The following PPARGC1A variants were observed in gnomAD, a reference collection of about 807,000 sequenced individuals.
PPARGC1A encodes PPARG coactivator 1 alpha, also known as peroxisome proliferator-activated receptor gamma coactivator 1-alpha.
Under a neutral mutation model 88.7 loss-of-function variants are expected in PPARGC1A, and 25 were observed. The observed-to-expected ratio is 0.28, with a 90% CI of 0.21 to 0.39. PPARGC1A has a LOEUF of 0.39. PPARGC1A is among the 10% of genes least tolerant of loss of function. PPARGC1A has a pLI of 1.00. For synonymous variants in PPARGC1A, 363 were observed against 355.6 expected, an observed-to-expected ratio of 1.02 and a Z score of -0.24; for missense variants, 880 against 968.7, an observed-to-expected ratio of 0.91 and a Z score of 1.22.
the PPARGC1A span, among the ~76,000 whole-genome samples, chr4:24,411,895 A>G: frequency 6.6e-6 from 1 of 152,214 alleles, no homozygotes; most frequent in Non-Finnish European, 1.5e-5. Context: ...TGGATATATC[A>G]CAGTTTATCC....
the PPARGC1A span, among the ~76,000 whole-genome samples, chr4:24,282,405 G>C: frequency 6.6e-6 from 1 of 152,190 alleles, no homozygotes; most frequent in Non-Finnish European, 1.5e-5. Flanking sequence ...TTAGGGGTTG[G>C]AGTGTGTGGT....
chr4:23,904,825 C>T (rs908629679), upstream of PPARGC1A, among the ~76,000 whole-genome samples: 9 of 152,312 alleles, frequency 5.9e-5, no homozygotes, highest in Non-Finnish European at 1.2e-4. Flanking sequence ...AAGGGCACCC[C>T]ATAACGTGTG....
the PPARGC1A span, among the ~76,000 whole-genome samples, chr4:24,156,290 G>T: frequency 1.3e-5 from 2 of 152,040 alleles, no homozygotes; most frequent in African/African-American, 4.8e-5. Flanking sequence ...TCCACCCCCG[G>T]GTGTTTCTCC....
At chr4:23,828,006 A>G (rs758042699) in intron 5 of PPARGC1A, among the ~76,000 whole-genome samples, 1 of 152,182 alleles carries the variant, frequency 6.6e-6, no homozygotes, top group Non-Finnish European at 1.5e-5. Flanking sequence ...GTATATAACA[A>G]ATCACTGGTG....
chr4:24,380,467 A>G, the PPARGC1A span, among the ~76,000 whole-genome samples: 1 of 152,206 alleles, frequency 6.6e-6, no homozygotes, highest in African/African-American at 2.4e-5. Context: ...TACTGTAGGA[A>G]AGAGTCCAGC....
chr4:24,384,663 T>C, the PPARGC1A span, among the ~76,000 whole-genome samples: 11 of 150,382 alleles, frequency 7.3e-5, no homozygotes, highest in Non-Finnish European at 1.5e-4. Flanking sequence ...TACATAATGG[T>C]AAAGGGATCA....
At chr4:24,320,162 T>A in the PPARGC1A span, among the ~76,000 whole-genome samples, 1 of 152,244 alleles carries the variant, frequency 6.6e-6, no homozygotes, top group East Asian at 1.9e-4. Flanking sequence ...TGAAAATCTG[T>A]ACTTGCTGTG....
the PPARGC1A span, among the ~76,000 whole-genome samples, chr4:24,253,575 G>A: frequency 3.9e-5 from 6 of 152,312 alleles, 1 homozygote; most frequent in African/African-American, 1.4e-4. Flanking sequence ...AACACAGGTA[G>A]AAATCAAGCA....
chr4:24,222,097 T>C, the PPARGC1A span, among the ~76,000 whole-genome samples: 9 of 152,196 alleles, frequency 5.9e-5, no homozygotes, highest in Non-Finnish European at 1.0e-4. Flanking sequence ...GATATCATCA[T>C]GATGTTTGAC....
chr4:23,979,190 A>G, the PPARGC1A span, among the ~76,000 whole-genome samples: 1 of 152,208 alleles, frequency 6.6e-6, no homozygotes, highest in Non-Finnish European at 1.5e-5. Context: ...TAAGAAGATA[A>G]CACTGTCATA....
At chr4:24,291,061 G>C in the PPARGC1A span, among the ~76,000 whole-genome samples, 8 of 152,166 alleles carry the variant, frequency 5.3e-5, no homozygotes, top group African/African-American at 1.7e-4. Context: ...CCTTAATCTG[G>C]CACTTTCTAT....
the PPARGC1A span, among the ~76,000 whole-genome samples, chr4:24,280,296 T>A: frequency 6.6e-6 from 1 of 152,208 alleles, no homozygotes; most frequent in South Asian, 2.1e-4. Context: ...ACAGCTGCTA[T>A]CTAAACTTTG....
At chr4:23,971,555 T>C in the PPARGC1A span, among the ~76,000 whole-genome samples, 2 of 152,178 alleles carry the variant, frequency 1.3e-5, no homozygotes, top group South Asian at 2.1e-4. Context: ...TAGAGTCCGA[T>C]GTTTGAGGGC....
the PPARGC1A span, among the ~76,000 whole-genome samples, chr4:24,280,953 C>A: frequency 2.0e-5 from 3 of 152,186 alleles, no homozygotes; most frequent in Non-Finnish European, 4.4e-5. Flanking sequence ...CTGAATCAAC[C>A]AACCAAAGCT....
the PPARGC1A span, among the ~76,000 whole-genome samples, chr4:24,027,484 T>C: frequency 2.0e-5 from 3 of 152,130 alleles, no homozygotes; most frequent in East Asian, 1.9e-4. Flanking sequence ...GCCCAACGCA[T>C]AGTAAAAACT....
the PPARGC1A span, among the ~76,000 whole-genome samples, chr4:23,996,469 G>A: frequency 6.6e-6 from 1 of 152,238 alleles, no homozygotes; most frequent in East Asian, 1.9e-4. Flanking sequence ...GCTGCTTCTT[G>A]TTGCCAGGGC....
the PPARGC1A span, among the ~76,000 whole-genome samples, chr4:24,200,695 T>C: frequency 2.6e-5 from 3 of 116,248 alleles, no homozygotes; most frequent in Admixed American, 3.0e-4. Flanking sequence ...ATGACAATTG[T>C]TAGCATTTGT....
the PPARGC1A span, among the ~76,000 whole-genome samples, chr4:23,925,619 T>G: frequency 6.6e-6 from 1 of 152,138 alleles, no homozygotes; most frequent in African/African-American, 2.4e-5. Context: ...GAAAATGGAA[T>G]GGATTCAGTT....
At chr4:23,901,543 C>CA (rs535361329), upstream of PPARGC1A, among the ~76,000 whole-genome samples, 727 of 80,528 alleles carry the variant, frequency 9.0e-3, 4 homozygotes, top group African/African-American at 0.02. Context: ...GACTCCGTCT[C>CA]AAAAAAAAAA....
Sources: allele counts gnomAD v4.1 joint callset (sites outside exome capture counted in the v4.1 genomes callset), GRCh38; gene constraint gnomAD v4.1.1; transcripts MANE v1.5; gene names NCBI Gene and HGNC (gene_info 2026-07-23, HGNC 2026-07-21).